The following ZNF407 variants were observed in gnomAD, a reference collection of about 807,000 sequenced individuals.
ZNF407 encodes the protein zinc finger protein 407.
ZNF407 carries 17 observed loss-of-function variants against 131.2 expected under a neutral mutation model. That is an observed-to-expected ratio of 0.13 (90% CI 0.09 to 0.19). The LOEUF is 0.19. Among genes scored for constraint, ZNF407 ranks in the 10% least tolerant of loss-of-function variants. The probability of loss-of-function intolerance (pLI) is 1.00; values close to 1 mark genes in which losing one functional copy is unlikely to be tolerated. For synonymous variants in ZNF407, 1,156 were observed against 1,062.0 expected (o/e 1.09, Z -1.72); for missense variants, 2,681 against 2,830.6 (o/e 0.95, Z 1.20).
At chr18:74,825,673 G>A (rs1402048041) in intron 4 of ZNF407, among the ~76,000 whole-genome samples, 4 of 152,152 alleles carry the variant, frequency 2.6e-5, no homozygotes, top group Non-Finnish European at 1.5e-5. Context: ...GCAGTGCCTA[G>A]TTGTGTGGTC....
intron 3 of ZNF407, among the ~76,000 whole-genome samples, chr18:74,691,781 C>G (rs1377354726): frequency 1.3e-5 from 2 of 151,956 alleles, no homozygotes; most frequent in African/African-American, 4.8e-5. Flanking sequence ...CATCTGAGGA[C>G]CAGTATAGAC....
At chr18:74,692,855 G>C (rs534467262) in intron 3 of ZNF407, among the ~76,000 whole-genome samples, 1 of 152,248 alleles carries the variant, frequency 6.6e-6, no homozygotes, top group South Asian at 2.1e-4. Context: ...CCTGGGGTTC[G>C]AGTGTGGTTG....
rs932493271 is a variant in ZNF407, at chr18:75,065,607, A to C, written c.*1139A>C. The C allele has an allele frequency of 6.6e-6, 1 of 152,236 alleles. No individual in the cohort carries two copies. Among genetic ancestry groups the C allele is most frequent in the Non-Finnish European group, 1.5e-5 (1 of 68,044 alleles). The allele number at this position is 152,236 out of a possible 1,614,324, so 9.4% of individuals were successfully genotyped here. On this transcript the variant is annotated 3_prime_UTR_variant, in exon 9 of 9. Transcript: ENST00000299687. ...AAACTGTAAAATAATCTCCTCCCTC[A>C]AATGCAAAGGTTGTTTTTGTTCTGT...
At chr18:74,984,220 C>T (rs951459270) in intron 8 of ZNF407, among the ~76,000 whole-genome samples, 5 of 152,160 alleles carry the variant, frequency 3.3e-5, no homozygotes, top group African/African-American at 4.8e-5. Flanking sequence ...CAGCGAGCCT[C>T]GCCTAAGCCT....
intron 3 of ZNF407, among the ~76,000 whole-genome samples, chr18:74,701,175 G>C (rs1047463777): frequency 2.0e-5 from 3 of 152,106 alleles, no homozygotes; most frequent in African/African-American, 7.2e-5. Flanking sequence ...TCTGGCTCCA[G>C]AGCTGTGAGA....
chr18:74,730,209 C>T (rs1968262931), intron 3 of ZNF407, among the ~76,000 whole-genome samples: 1 of 152,164 alleles, frequency 6.6e-6, no homozygotes, highest in African/African-American at 2.4e-5. Context: ...GGAAGCTCTA[C>T]AGGTTACTTG....
intron 8 of ZNF407, among the ~76,000 whole-genome samples, chr18:75,010,929 G>C (rs1018703615): frequency 6.6e-6 from 1 of 152,134 alleles, no homozygotes; most frequent in African/African-American, 2.4e-5. Flanking sequence ...AGTACAGTCA[G>C]ATCTCCTTAA....
chr18:74,830,647 T>C (rs1157005937), intron 4 of ZNF407, among the ~76,000 whole-genome samples: 2 of 152,178 alleles, frequency 1.3e-5, no homozygotes, highest in East Asian at 3.8e-4. Flanking sequence ...TGATGTAATG[T>C]ATGGCGTATG....
chr18:74,755,536 T>TCTCCCTCCCTCCCCCC (rs1968911447), intron 3 of ZNF407, among the ~76,000 whole-genome samples: 1 of 99,150 alleles, frequency 1.0e-5, no homozygotes, highest in African/African-American at 4.2e-5. Context: ...TCTTTCCCTC[T>TCTCCCTCCCTCCCCCC]CTCCCTCCCT....
intron 8 of ZNF407, among the ~76,000 whole-genome samples, chr18:74,933,604 G>T (rs1261127265): frequency 6.6e-6 from 1 of 152,106 alleles, no homozygotes; most frequent in Non-Finnish European, 1.5e-5. Context: ...AAATAATTTG[G>T]TACCCCTATT....
rs184603220 is a variant in ZNF407 at position 74,611,787 on chromosome 18, A to G, written c.-54+13850A>G. Among the ~76,000 whole-genome samples, 193 of 152,290 alleles carry G rather than the reference A, an allele frequency of 1.3e-3. 1 individual carries two copies. Among genetic ancestry groups the G allele is most frequent in the African/African-American group, 4.3e-3 (179 of 41,560 alleles). ...TCATTTGGGAACTTGTTTGAAATGC[A>G]GATCTGGGGTCTCTGCTGTGGACCT... On this transcript the variant is annotated intron_variant, in intron 1 of 8. Coordinates refer to ENST00000299687, the MANE Select transcript of ZNF407 (RefSeq NM_017757.3).
chr18:74,684,508 C>T (rs868450849), intron 3 of ZNF407, among the ~76,000 whole-genome samples: 4 of 152,200 alleles, frequency 2.6e-5, no homozygotes, highest in Admixed American at 1.3e-4. Context: ...CCAAACGCAC[C>T]GAGTCACGTT....
intron 4 of ZNF407, among the ~76,000 whole-genome samples, chr18:74,840,476 C>T (rs1970616648): frequency 6.6e-6 from 1 of 152,116 alleles, no homozygotes; most frequent in Admixed American, 6.5e-5. Context: ...TGGAAAAACT[C>T]GTTTATTCTT....
rs768450278 is a variant in ZNF407 at position 75,063,571 on chromosome 18, C to G, written c.5850C>G (p.Gly1950=). The G allele has an allele frequency of 1.7e-5, 27 of 1,562,904 alleles. No individual in the cohort carries two copies. The African/African-American group carries it at 3.5e-4, about 20-fold the overall frequency. ...TCGTCGTGGGGGGCTCCATGGAAGGCCACGGCATGGATGAGTCCCTCAGTC... is the reference window on the plus strand; with the variant it reads ...TCGTCGTGGGGGGCTCCATGGAAGGGCACGGCATGGATGAGTCCCTCAGTC... ...QVVVVGGSME[G]HGMDESLSPG... Residue 1950 remains glycine, a synonymous_variant, in exon 9 of 9, where the codon GGC becomes GGG. Coordinates refer to ENST00000299687, the MANE Select transcript of ZNF407 (RefSeq NM_017757.3). This position sits in a 1 kb window ranked among gnomAD's most constrained non-coding sequence, Gnocchi z 6.6.
chr18:74,702,555 A>G (rs576492228), intron 3 of ZNF407, among the ~76,000 whole-genome samples: 1 of 152,098 alleles, frequency 6.6e-6, no homozygotes, highest in Non-Finnish European at 1.5e-5. Flanking sequence ...GCATGTGGAT[A>G]TTTTTGAAAA....
At chr18:74,609,013 G>A (rs1324268463) in intron 1 of ZNF407, among the ~76,000 whole-genome samples, 1 of 151,976 alleles carries the variant, frequency 6.6e-6, no homozygotes, top group East Asian at 1.9e-4. Flanking sequence ...CATAATATCA[G>A]AATCTTTTGA....
At position 74,881,129 on chromosome 18, in the gene ZNF407, G is replaced by A. The variant is rs773984460; in HGVS notation, c.5128+10G>A. On this transcript the variant is annotated intron_variant, in intron 6 of 8. Coordinates refer to ENST00000299687, the MANE Select transcript of ZNF407 (RefSeq NM_017757.3). ...CGCAGACAGCACACAGGTCAGTTCC[G>A]ATGCTGCACTGGCCCCTTCTCTGCA... The A allele has an allele frequency of 1.7e-5, 27 of 1,563,300 alleles. No individual in the cohort carries two copies. The highest frequency in any genetic ancestry group is 2.3e-5 in the South Asian group (2 of 85,512).
intron 3 of ZNF407, among the ~76,000 whole-genome samples, chr18:74,672,206 C>T (rs1986167213): frequency 6.6e-6 from 1 of 152,178 alleles, no homozygotes. Context: ...TGCAACCTCC[C>T]CAGCATCTGT....
chr18:74,610,726 T>G (rs761772652), intron 1 of ZNF407, among the ~76,000 whole-genome samples: 4 of 152,074 alleles, frequency 2.6e-5, no homozygotes, highest in Non-Finnish European at 5.9e-5. Flanking sequence ...TTTCTGCTTT[T>G]TTTTTAAGTA....
Sources: gnomAD v4.1 joint callset for allele counts (sites outside exome capture counted in the v4.1 genomes callset) on GRCh38, gnomAD v4.1.1 for gene constraint, Gnocchi (gnomAD v3.1) non-coding constraint, MANE v1.5 for transcripts, NCBI Gene and HGNC (gene_info 2026-07-23, HGNC 2026-07-21) for gene names.